LARGE1: variants seen among roughly 807,000 people sequenced by gnomAD.
LARGE1 encodes the protein xylosyl- and glucuronyltransferase LARGE1.
A neutral mutation model predicts 87.6 loss-of-function variants in LARGE1; 43 were observed. The ratio of observed to expected loss-of-function variants is 0.49; its 90% confidence interval spans 0.38 to 0.63. The LOEUF (loss-of-function observed/expected upper bound fraction) is 0.63, where lower values mean the gene tolerates loss of function less well. Among genes scored for constraint, LARGE1 ranks in the 30% least tolerant of loss-of-function variants. The probability of loss-of-function intolerance (pLI) is 0.00; values close to 1 mark genes in which losing one functional copy is unlikely to be tolerated. For missense variants in LARGE1, 802 were observed against 1,000.2 expected (o/e 0.80, Z 2.67); for synonymous variants, 434 against 394.6 (o/e 1.10, Z -1.18).
chr22:33,197,930 G>A (rs1417000699), intron 11 of LARGE1, among the ~76,000 whole-genome samples: 1 of 152,058 alleles, frequency 6.6e-6, no homozygotes, highest in African/African-American at 2.4e-5. Context: ...ATGGATCAAT[G>A]CCACATAATA....
intron 2 of LARGE1, among the ~76,000 whole-genome samples, chr22:33,683,991 G>A (rs1244999153): frequency 1.3e-5 from 2 of 152,146 alleles, no homozygotes; most frequent in Non-Finnish European, 2.9e-5. Context: ...GACAGCCCTC[G>A]CTGGAAGACT....
At chr22:33,482,977 A>ATCTTACGTGGCC (rs767151552) in intron 6 of LARGE1, among the ~76,000 whole-genome samples, 1 of 152,146 alleles carries the variant, frequency 6.6e-6, no homozygotes, top group South Asian at 2.1e-4. Context: ...TGCATGCGGG[A>ATCTTACGTGGCC]TGGACAGGAC....
chr22:33,711,625 G>A (rs527661296), intron 2 of LARGE1, among the ~76,000 whole-genome samples: 1 of 152,258 alleles, frequency 6.6e-6, no homozygotes, highest in African/African-American at 2.4e-5. Flanking sequence ...GCACAGAGAA[G>A]GGAAAAGGTA....
chr22:33,369,858 T>A (rs2064744073), intron 9 of LARGE1, among the ~76,000 whole-genome samples: 1 of 152,068 alleles, frequency 6.6e-6, no homozygotes, highest in South Asian at 2.1e-4. Context: ...CGTGAGCCAC[T>A]GTGCCTGGCC....
intron 10 of LARGE1, among the ~76,000 whole-genome samples, chr22:33,331,569 A>G (rs893350281): frequency 6.6e-6 from 1 of 151,908 alleles, no homozygotes; most frequent in African/African-American, 2.4e-5. Flanking sequence ...CACCATGCCC[A>G]GCTACTTTTT....
In LARGE1 at chr22:33,917,981, C is replaced by G. The variant is rs113053229; in HGVS notation, c.-83+2014G>C. Among the ~76,000 whole-genome samples the G allele has an allele frequency of 5.4e-3, 823 of 152,000 alleles. 6 individuals are homozygous for G. Among genetic ancestry groups the G allele is most frequent in the Non-Finnish European group, 8.1e-3 (551 of 67,966 alleles). On this transcript the variant is annotated intron_variant, in intron 1 of 14. Coordinates refer to ENST00000397394, the MANE Select transcript of LARGE1 (RefSeq NM_133642.5). The stretch of plus-strand genomic sequence containing the variant: ...ATGGTGGAAAAGATAACTAGTCCCC[C>G]CTAGTGTCCTGCTACTGTAGGTGGC...
At chr22:33,317,540 G>T (rs1377762695) in intron 10 of LARGE1, among the ~76,000 whole-genome samples, 3 of 152,066 alleles carry the variant, frequency 2.0e-5, no homozygotes, top group Non-Finnish European at 2.9e-5. Context: ...GCTTGTAGAA[G>T]TTGTTTAACT....
chr22:33,412,176 C>T (rs751099531), intron 7 of LARGE1, among the ~76,000 whole-genome samples: 7 of 151,804 alleles, frequency 4.6e-5, no homozygotes, highest in Non-Finnish European at 8.8e-5. Flanking sequence ...CCCAGCTACT[C>T]GAGAGGCTGA....
chr22:33,513,016 G>A (rs1346291400), intron 6 of LARGE1, among the ~76,000 whole-genome samples: 1 of 151,872 alleles, frequency 6.6e-6, no homozygotes, highest in Non-Finnish European at 1.5e-5. Flanking sequence ...TATGCAAAAG[G>A]AGGTGCCTAA....
chr22:33,893,262 C>T (rs1164420399), intron 1 of LARGE1, among the ~76,000 whole-genome samples: 1 of 152,214 alleles, frequency 6.6e-6, no homozygotes, highest in Middle Eastern at 3.2e-3. Context: ...AATGTATCCA[C>T]AGCACTGTCC....
intron 12 of LARGE1, among the ~76,000 whole-genome samples, chr22:33,301,583 T>C (rs1448554563): frequency 1.3e-5 from 2 of 152,178 alleles, no homozygotes; most frequent in Admixed American, 6.5e-5. Flanking sequence ...ATGGCACGAT[T>C]GTGTGGAGAG....
chr22:33,832,421 G>A (rs755935280), intron 1 of LARGE1, among the ~76,000 whole-genome samples: 1 of 152,110 alleles, frequency 6.6e-6, no homozygotes, highest in Non-Finnish European at 1.5e-5. Context: ...ACAACTGGAG[G>A]GCCCATGGGA....
downstream of LARGE1, among the ~76,000 whole-genome samples, chr22:33,158,274 T>G (rs557631519): frequency 3.9e-4 from 59 of 152,210 alleles, no homozygotes; most frequent in African/African-American, 1.4e-3. Context: ...CAAAATGGTG[T>G]AGATAACAAA....
chr22:33,552,770 T>A (rs977494481), intron 6 of LARGE1, among the ~76,000 whole-genome samples: 9 of 152,248 alleles, frequency 5.9e-5, no homozygotes, highest in Admixed American at 5.9e-4. Flanking sequence ...AAGTTGCTTT[T>A]GTAAGTCACA....
At chr22:33,410,571 A>G (rs2066273410) in intron 7 of LARGE1, among the ~76,000 whole-genome samples, 1 of 151,848 alleles carries the variant, frequency 6.6e-6, no homozygotes, top group South Asian at 2.1e-4. Flanking sequence ...CTTCCCCTTC[A>G]TCTCCCACCA....
intron 1 of LARGE1, 118 bp from the exon 2 acceptor site, chr22:33,761,676 T>C: frequency 1.6e-6 from 1 of 611,980 alleles, no homozygotes; most frequent in Non-Finnish European, 2.9e-6. Context: ...GGCTTCCTGC[T>C]AACCTTTCAT....
intron 1 of LARGE1, among the ~76,000 whole-genome samples, chr22:33,822,775 A>G (rs750560494): frequency 2.0e-5 from 3 of 152,228 alleles, no homozygotes; most frequent in Non-Finnish European, 4.4e-5. Context: ...CGTTAAGGCT[A>G]TCAGAAATCC....
intron 3 of LARGE1, among the ~76,000 whole-genome samples, chr22:33,641,338 T>C (rs1228896927): frequency 6.6e-6 from 1 of 151,682 alleles, no homozygotes; most frequent in Non-Finnish European, 1.5e-5. Context: ...CATAAAGCAA[T>C]AACATCAACA....
chr22:33,657,977 T>A (rs1379626124), intron 2 of LARGE1, among the ~76,000 whole-genome samples: 4 of 151,926 alleles, frequency 2.6e-5, no homozygotes, highest in Non-Finnish European at 4.4e-5. Flanking sequence ...TTTAACTAGT[T>A]CCATGTCATC....
Sources: allele counts gnomAD v4.1 joint callset (sites outside exome capture counted in the v4.1 genomes callset), GRCh38; gene constraint gnomAD v4.1.1; transcripts MANE v1.5; gene names NCBI Gene and HGNC (gene_info 2026-07-23, HGNC 2026-07-21).